The following AP3S1 variants were observed in gnomAD, a reference collection of about 807,000 sequenced individuals.
AP3S1 encodes the protein adaptor related protein complex 3 subunit sigma 1.
Under a neutral mutation model 21.3 loss-of-function variants are expected in AP3S1, and 12 were observed. The observed-to-expected ratio is 0.56, with a 90% CI of 0.36 to 0.91. The LOEUF (loss-of-function observed/expected upper bound fraction) is 0.91. Ranked by LOEUF, AP3S1 falls within the 40% of genes least tolerant of loss-of-function variation. The pLI is 0.01. For missense variants in AP3S1, 116 were observed against 225.0 expected (o/e 0.52, Z 3.10); for synonymous variants, 48 against 78.4 (o/e 0.61, Z 2.05).
chr5:115,892,373 A>G (rs1033669712), intron 3 of AP3S1, among the ~76,000 whole-genome samples: 1 of 152,248 alleles, frequency 6.6e-6, no homozygotes, highest in Non-Finnish European at 1.5e-5. Flanking sequence ...TTGTTGCAGC[A>G]CTGTTTAGAA....
intron 5 of AP3S1, among the ~76,000 whole-genome samples, chr5:115,906,097 G>A (rs1751629556): frequency 6.6e-6 from 1 of 152,196 alleles, no homozygotes; most frequent in African/African-American, 2.4e-5. Flanking sequence ...GGCGGAGGTT[G>A]CAGTGAGCTG....
chr5:115,910,291 A>C (rs1751994112), intron 5 of AP3S1, among the ~76,000 whole-genome samples: 1 of 148,974 alleles, frequency 6.7e-6, no homozygotes, highest in Non-Finnish European at 1.5e-5. Flanking sequence ...AAAAAAAGTT[A>C]TGTGATTGAG....
intron 1 of AP3S1, among the ~76,000 whole-genome samples, chr5:115,855,023 C>A (rs975821056): frequency 8.1e-6 from 1 of 124,180 alleles, no homozygotes; most frequent in African/African-American, 3.6e-5. Flanking sequence ...TATTTTATAT[C>A]TATCTATCTA....
intron 1 of AP3S1, among the ~76,000 whole-genome samples, chr5:115,844,464 C>G (rs1761911177): frequency 6.6e-6 from 1 of 152,128 alleles, no homozygotes. Context: ...TGAGCAAAGA[C>G]TTGAAGGAGG....
chr5:115,904,084 A>G (rs1401737259), intron 5 of AP3S1: 1 of 152,162 alleles, frequency 6.6e-6, no homozygotes, highest in Non-Finnish European at 1.5e-5. Context: ...TCTCAAAAAA[A>G]AAAAGAAAGA....
Position 115,872,027 on chromosome 5 carries a change from A to T in AP3S1, c.273+1899A>T, listed in dbSNP as rs566477835. ...TGGCTAAGGCTTTAAAAATAAAAAC[A>T]TTGTGGCCAGGTGTGGTAGTTCACA... is the stretch of plus-strand genomic sequence containing the variant. On this transcript the variant is annotated intron_variant, in intron 3 of 5. Coordinates refer to ENST00000316788, the MANE Select transcript of AP3S1 (RefSeq NM_001284.4). Among the ~76,000 whole-genome samples, 54 of 152,242 alleles carry T rather than the reference A, an allele frequency of 3.5e-4. 1 individual carries two copies. The South Asian group carries it at 0.011, about 30-fold the overall frequency.
intron 5 of AP3S1, chr5:115,907,147 A>AGT: frequency 3.3e-6 from 1 of 304,170 alleles, no homozygotes; most frequent in Non-Finnish European, 4.8e-6. Context: ...CTAACTGACA[A>AGT]ATTGCATTTG....
intron 1 of AP3S1, among the ~76,000 whole-genome samples, chr5:115,860,412 G>C (rs1222507682): frequency 6.6e-6 from 1 of 152,162 alleles, no homozygotes; most frequent in African/African-American, 2.4e-5. Context: ...GGCTACCACA[G>C]TACCCCTTGC....
intron 5 of AP3S1, among the ~76,000 whole-genome samples, chr5:115,905,942 G>A (rs78375607): frequency 0.018 from 2,793 of 152,284 alleles, 42 homozygotes; most frequent in South Asian, 0.039. Context: ...GCTCACCTGA[G>A]GTCAGGAGTT....
At chr5:115,875,417 A>G (rs1229587431) in intron 3 of AP3S1, among the ~76,000 whole-genome samples, 1 of 152,176 alleles carries the variant, frequency 6.6e-6, no homozygotes, top group Non-Finnish European at 1.5e-5. Flanking sequence ...TATGGTTCTC[A>G]TCTATCATGA....
intron 3 of AP3S1, among the ~76,000 whole-genome samples, chr5:115,890,116 C>T (rs1030626013): frequency 2.6e-5 from 4 of 152,134 alleles, no homozygotes; most frequent in Non-Finnish European, 4.4e-5. Flanking sequence ...TTAACCTACA[C>T]GACTCTTTGA....
chr5:115,896,924 G>A (rs569377100), intron 4 of AP3S1, among the ~76,000 whole-genome samples: 1 of 152,230 alleles, frequency 6.6e-6, no homozygotes, highest in East Asian at 1.9e-4. Flanking sequence ...TGTGAAATGT[G>A]ATGGTAAGAG....
chr5:115,883,292 G>A (rs1369927916), intron 3 of AP3S1, among the ~76,000 whole-genome samples: 1 of 152,130 alleles, frequency 6.6e-6, no homozygotes, highest in Non-Finnish European at 1.5e-5. Context: ...CTGCCCAAAC[G>A]GCCACCCAGT....
At chr5:115,903,251 C>T (rs1169287038) in intron 5 of AP3S1, 2 of 240,764 alleles carry the variant, frequency 8.3e-6, no homozygotes, top group Non-Finnish European at 8.0e-6. Context: ...AATCTTATTG[C>T]CTAAAAGAAT....
intron 3 of AP3S1, among the ~76,000 whole-genome samples, chr5:115,877,750 G>T (rs1748865567): frequency 6.6e-6 from 1 of 152,136 alleles, no homozygotes; most frequent in Non-Finnish European, 1.5e-5. Flanking sequence ...GGTATTTCTG[G>T]TTCTAGATCC....
At chr5:115,857,452 C>G (rs767295377) in intron 1 of AP3S1, among the ~76,000 whole-genome samples, 1 of 152,210 alleles carries the variant, frequency 6.6e-6, no homozygotes, top group Non-Finnish European at 1.5e-5. Flanking sequence ...CTCAAAGTCA[C>G]AGAGTTAACA....
chr5:115,883,666 C>A (rs1301552103), intron 3 of AP3S1, among the ~76,000 whole-genome samples: 1 of 152,204 alleles, frequency 6.6e-6, no homozygotes, highest in Non-Finnish European at 1.5e-5. Context: ...TTGCCATCCA[C>A]CTCCTTTGTA....
chr5:115,868,099 G>A (rs1747857720), intron 2 of AP3S1, among the ~76,000 whole-genome samples: 1 of 152,058 alleles, frequency 6.6e-6, no homozygotes, highest in Non-Finnish European at 1.5e-5. Flanking sequence ...GGTTTTATAT[G>A]ATGTATTACA....
chr5:115,899,283 A>G (rs1044470356), intron 4 of AP3S1, among the ~76,000 whole-genome samples: 1 of 152,222 alleles, frequency 6.6e-6, no homozygotes, highest in South Asian at 2.1e-4. Flanking sequence ...TAAAGGAGCT[A>G]CTAGCCATTA....
Sources: allele counts gnomAD v4.1 joint callset (sites outside exome capture counted in the v4.1 genomes callset), GRCh38; gene constraint gnomAD v4.1.1; transcripts MANE v1.5; gene names NCBI Gene and HGNC (gene_info 2026-07-23, HGNC 2026-07-21).